NTNG2: variants seen among roughly 807,000 people sequenced by gnomAD.
NTNG2 encodes netrin-G2.
In NTNG2, 15 loss-of-function variants were observed where a neutral mutation model predicts 47.6. The ratio of observed to expected loss-of-function variants is 0.32; its 90% CI spans 0.21 to 0.49. The LOEUF (loss-of-function observed/expected upper bound fraction) is 0.49. Ranked by LOEUF, NTNG2 falls within the 20% of genes least tolerant of loss-of-function variation. The pLI is 0.99. For synonymous variants in NTNG2, 307 were observed against 324.6 expected (o/e 0.95, Z 0.58); for missense variants, 578 against 764.6 (o/e 0.76, Z 2.88).
intron 2 of NTNG2, among the ~76,000 whole-genome samples, chr9:132,189,189 A>G (rs1396735740): frequency 1.4e-5 from 2 of 143,792 alleles, no homozygotes; most frequent in Non-Finnish European, 1.5e-5. Flanking sequence ...GGATCTTCCT[A>G]TCTCAGCCAC....
intron 3 of NTNG2, among the ~76,000 whole-genome samples, chr9:132,213,261 A>G (rs6597559): frequency 0.61 from 92,134 of 150,762 alleles, 30,551 homozygotes; most frequent in African/African-American, 0.89. Flanking sequence ...GGCGGAGGTT[A>G]AAGTGAGCTG....
At chr9:132,237,367 C>G (rs1341542596) in intron 5 of NTNG2, among the ~76,000 whole-genome samples, 1 of 152,192 alleles carries the variant, frequency 6.6e-6, no homozygotes, top group Non-Finnish European at 1.5e-5. Flanking sequence ...CTGGGCTCTT[C>G]CCTGGGCAGT....
At chr9:132,201,078 C>A (rs183722112) in intron 3 of NTNG2, among the ~76,000 whole-genome samples, 1 of 152,356 alleles carries the variant, frequency 6.6e-6, no homozygotes, top group African/African-American at 2.4e-5. Flanking sequence ...GTTCAAGGAC[C>A]CTGCCTTACC....
chr9:132,167,097 G>A, intron 2 of NTNG2, 53 bp downstream of exon 2: 4 of 1,584,434 alleles, frequency 2.5e-6, no homozygotes, highest in Non-Finnish European at 1.7e-6. Flanking sequence ...GAGGAGGTCT[G>A]GAGGAGATCC....
rs540921053 is a variant in NTNG2, at chr9:132,219,434, G to A, written c.858-7415G>A. Among the ~76,000 whole-genome samples, 7 of 151,882 alleles carry A rather than the reference G, an allele frequency of 4.6e-5. No individual in the cohort carries two copies. In the South Asian group the frequency reaches 1.2e-3, roughly 27 times the overall value. ...CTAAAAATACAAAAATTAGCTAGAT[G>A]TGGTGGTGGGTGCCTGTAATCCCAG... On this transcript the variant is annotated intron_variant, in intron 3 of 7. Coordinates refer to ENST00000393229, the MANE Select transcript of NTNG2 (RefSeq NM_032536.4).
intron 2 of NTNG2, among the ~76,000 whole-genome samples, chr9:132,189,064 C>CTTTTTTTTTTTTTTTTTTTTT: frequency 1.6e-5 from 1 of 61,756 alleles, no homozygotes; most frequent in Non-Finnish European, 3.2e-5. Flanking sequence ...GGCTTTAAGC[C>CTTTTTTTTTTTTTTTTTTTTT]TTTCTTTTTT....
intron 3 of NTNG2, among the ~76,000 whole-genome samples, chr9:132,216,995 G>A (rs567776591): frequency 1.3e-5 from 2 of 152,292 alleles, no homozygotes; most frequent in South Asian, 4.1e-4. Flanking sequence ...TGTCCCCATG[G>A]AATGGACGCG....
chr9:132,216,414 C>CTCTCTCTCTCTCTCTGTGTG (rs1554790515), intron 3 of NTNG2, among the ~76,000 whole-genome samples: 4 of 110,286 alleles, frequency 3.6e-5, no homozygotes, highest in African/African-American at 2.0e-4. Context: ...CTCTCTCTCT[C>CTCTCTCTCTCTCTCTGTGTG]TGTGTGTGTG....
intron 3 of NTNG2, among the ~76,000 whole-genome samples, chr9:132,214,136 G>A (rs373791646): frequency 3.3e-5 from 5 of 152,190 alleles, no homozygotes; most frequent in South Asian, 2.1e-4. Context: ...CGCTTCCTCC[G>A]TCATTCCCCG....
intron 2 of NTNG2, among the ~76,000 whole-genome samples, chr9:132,196,998 A>G (rs1838361926): frequency 6.6e-6 from 1 of 152,252 alleles, no homozygotes; most frequent in South Asian, 2.1e-4. Flanking sequence ...ACAGCCAGAT[A>G]GAAGAGACTC....
chr9:132,185,253 G>T (rs1183886786), intron 2 of NTNG2, among the ~76,000 whole-genome samples: 9 of 152,188 alleles, frequency 5.9e-5, no homozygotes, highest in Non-Finnish European at 1.5e-5. Flanking sequence ...GCCTCTGTTG[G>T]AAGCTGGCTG....
In NTNG2 at chr9:132,244,395, G is replaced by C. The variant is rs1842147495; in HGVS notation, c.*2284G>C. 6.6e-6 allele frequency: 1 copy of C among 152,298 alleles called. No individual in the cohort carries two copies. The highest frequency in any genetic ancestry group is 2.4e-5 in the African/African-American group (1 of 41,434). 9.4% of individuals were successfully genotyped at this position (152,298 alleles called of 1,614,324 possible). ...AGGTCTCACTATGTTGCCCAGGCTGGTCTCAAACTCCTAGGCTCAAGTGAG... is the reference window on the plus strand; with the variant it reads ...AGGTCTCACTATGTTGCCCAGGCTGCTCTCAAACTCCTAGGCTCAAGTGAG... On this transcript the variant is annotated 3_prime_UTR_variant, in exon 8 of 8. Transcript: ENST00000393229.
intron 2 of NTNG2, among the ~76,000 whole-genome samples, chr9:132,172,892 G>A (rs564870534): frequency 6.6e-6 from 1 of 152,140 alleles, no homozygotes; most frequent in South Asian, 2.1e-4. Context: ...ACCACGCCAG[G>A]CTAATTTTTT....
Position 132,218,995 on chromosome 9 carries a change from A to G in NTNG2, c.858-7854A>G, listed in dbSNP as rs904190930. 4.6e-5 allele frequency among the ~76,000 whole-genome samples: 7 copies of G among 152,152 alleles called. No homozygotes were observed. Among genetic ancestry groups the G allele is most frequent in the Admixed American group, 3.9e-4 (6 of 15,284 alleles). ...TAAAGCGTACAATTCAGTCGCTTTTAGGTTATTCACAGAGTTGTGCAACTA... is the reference window on the plus strand; with the variant it reads ...TAAAGCGTACAATTCAGTCGCTTTTGGGTTATTCACAGAGTTGTGCAACTA... On this transcript the variant is annotated intron_variant, in intron 3 of 7. Coordinates refer to ENST00000393229, the MANE Select transcript of NTNG2 (RefSeq NM_032536.4). The surrounding 1 kb of genome is among the most constrained non-coding windows in gnomAD (Gnocchi z 5.4).
intron 5 of NTNG2, chr9:132,233,292 C>G (rs1841372166): frequency 6.6e-6 from 1 of 152,280 alleles, no homozygotes; most frequent in Non-Finnish European, 1.5e-5. Context: ...CATGCACACA[C>G]ACACATGCAT....
At chr9:132,207,214 A>G (rs1023845815) in intron 3 of NTNG2, among the ~76,000 whole-genome samples, 1 of 152,266 alleles carries the variant, frequency 6.6e-6, no homozygotes, top group Non-Finnish European at 1.5e-5. Flanking sequence ...GGATGAATTA[A>G]CACATATTTC....
intron 2 of NTNG2, among the ~76,000 whole-genome samples, chr9:132,184,587 G>A (rs1837197820): frequency 6.6e-6 from 1 of 152,238 alleles, no homozygotes; most frequent in African/African-American, 2.4e-5. Flanking sequence ...GCTCCGCGGG[G>A]TGGAGGGGGC....
chr9:132,228,729 C>T (rs1242976673), intron 4 of NTNG2, among the ~76,000 whole-genome samples: 2 of 152,208 alleles, frequency 1.3e-5, no homozygotes, highest in Admixed American at 6.5e-5. Context: ...AGCTAATTTT[C>T]GTGTTTTTTT....
At chr9:132,170,666 C>G (rs1027628148) in intron 2 of NTNG2, among the ~76,000 whole-genome samples, 3 of 152,142 alleles carry the variant, frequency 2.0e-5, no homozygotes, top group Non-Finnish European at 2.9e-5. Flanking sequence ...GCCTTGGAGA[C>G]AAAAACTAGC....
Sources: gnomAD v4.1 joint callset for allele counts (sites outside exome capture counted in the v4.1 genomes callset) on GRCh38, gnomAD v4.1.1 for gene constraint, Gnocchi (gnomAD v3.1) non-coding constraint, MANE v1.5 for transcripts, NCBI Gene and HGNC (gene_info 2026-07-23, HGNC 2026-07-21) for gene names.